ZC3H3: variants seen among roughly 807,000 people sequenced by gnomAD.
The protein encoded by ZC3H3 is zinc finger CCCH-type containing 3.
A neutral mutation model predicts 77.3 loss-of-function variants in ZC3H3; 36 were observed. That is an observed-to-expected ratio of 0.47 (90% CI 0.36 to 0.61). The LOEUF is 0.61. ZC3H3 is among the 20% of genes least tolerant of loss of function. The probability of loss-of-function intolerance (pLI) is 0.00; values close to 1 mark genes in which losing one functional copy is unlikely to be tolerated. For synonymous variants in ZC3H3, 626 were observed against 555.2 expected (o/e 1.13, Z -1.79); for missense variants, 1,331 against 1,312.2 (o/e 1.01, Z -0.22).
intron 3 of ZC3H3, among the ~76,000 whole-genome samples, chr8:143,534,423 C>CG (rs1822725076): frequency 6.6e-6 from 1 of 152,032 alleles, no homozygotes; most frequent in Non-Finnish European, 1.5e-5. Flanking sequence ...GGCAGGAGTC[C>CG]GGGGGGCGCC....
intron 3 of ZC3H3, among the ~76,000 whole-genome samples, chr8:143,528,386 G>T (rs1822488959): frequency 6.6e-6 from 1 of 152,246 alleles, no homozygotes; most frequent in African/African-American, 2.4e-5. Context: ...ACCCTCCACG[G>T]TCAAGCTTCC....
At chr8:143,528,842 G>A (rs1423857102) in intron 3 of ZC3H3, among the ~76,000 whole-genome samples, 2 of 152,214 alleles carry the variant, frequency 1.3e-5, no homozygotes, top group Non-Finnish European at 2.9e-5. Flanking sequence ...TGGGAGGGGG[G>A]GCGCCTCACC....
At chr8:143,440,486 G>T (rs1171048958) in intron 10 of ZC3H3, 123 bp from the exon 11 acceptor site, 1 of 1,429,100 alleles carries the variant, frequency 7.0e-7, no homozygotes, top group Admixed American at 2.9e-5. Flanking sequence ...GGGCAGAGCT[G>T]GAGGCACAGG....
At chr8:143,505,221 A>G (rs527750136) in intron 4 of ZC3H3, among the ~76,000 whole-genome samples, 115 of 152,310 alleles carry the variant, frequency 7.6e-4, no homozygotes, top group African/African-American at 2.8e-3. Flanking sequence ...CAGCCAGCCA[A>G]CTGGCAGGAC....
At chr8:143,461,575 A>T (rs1343730388) in intron 9 of ZC3H3, among the ~76,000 whole-genome samples, 1 of 152,176 alleles carries the variant, frequency 6.6e-6, no homozygotes, top group Non-Finnish European at 1.5e-5. Flanking sequence ...AGGCAGTATT[A>T]TTCACGACAG....
At position 143,538,156 on chromosome 8, in the gene ZC3H3, G is replaced by A. The variant is rs867764888; in HGVS notation, c.1211C>T (p.Ala404Val). ...WQSEASSKDHASQLSPVLSRS... is the reference protein window; with the variant it reads ...WQSEASSKDHVSQLSPVLSRS... ...AGACAGGACTGGGGAGAGCTGGGAG[G>A]CATGGTCCTTGCTGCTGGCCTCCGA... Residue 404 changes from alanine (A) to valine (V), a missense_variant, in exon 2 of 12, where the codon GCC (alanine) becomes GTC (valine). By Grantham distance (64) the Ala-to-Val change is moderately conservative. Coordinates refer to ENST00000262577, the MANE Select transcript of ZC3H3 (RefSeq NM_015117.3). 1.9e-6 allele frequency: 3 copies of A among 1,613,086 alleles called. No individual in the cohort carries two copies. In the South Asian group the frequency reaches 3.3e-5, roughly 18 times the overall value.
At chr8:143,532,235 C>CA (rs1437854749) in intron 3 of ZC3H3, among the ~76,000 whole-genome samples, 17 of 122,684 alleles carry the variant, frequency 1.4e-4, no homozygotes, top group African/African-American at 5.0e-4. Context: ...ACGCGATTAC[C>CA]AAAAAAGGGT....
chr8:143,438,743 G>A lies in ZC3H3; in HGVS notation c.2816-656C>T, dbSNP rs139916836. ...CACCCGACAGGCACCACAGTGGCCC[G>A]CTGAATAGAGATGTCTCCGTGTAGC... On this transcript the variant is annotated intron_variant, in intron 11 of 11. Transcript: ENST00000262577. Among the ~76,000 whole-genome samples the A allele has an allele frequency of 5.9e-5, 9 of 152,320 alleles. No individual in the cohort carries two copies. The East Asian group carries it at 1.4e-3, about 23-fold the overall frequency.
intron 4 of ZC3H3, among the ~76,000 whole-genome samples, chr8:143,499,041 G>T (rs1318254966): frequency 6.6e-6 from 1 of 152,092 alleles, no homozygotes; most frequent in Non-Finnish European, 1.5e-5. Flanking sequence ...CCCCCAAGAA[G>T]GGGCGGAGAG....
intron 9 of ZC3H3, among the ~76,000 whole-genome samples, chr8:143,442,481 C>T (rs1032747670): frequency 3.3e-5 from 5 of 151,562 alleles, no homozygotes; most frequent in Non-Finnish European, 7.4e-5. Flanking sequence ...AAGGAAAGCC[C>T]TGCCACCAGC....
intron 8 of ZC3H3, among the ~76,000 whole-genome samples, chr8:143,466,943 G>A (rs1387146592): frequency 6.6e-6 from 1 of 152,212 alleles, no homozygotes; most frequent in East Asian, 1.9e-4. Context: ...CAAGGTTGGG[G>A]ATGGGAAAGG....
rs372082942 is a variant in ZC3H3 at position 143,470,501 on chromosome 8, G to A, written c.1904-1842C>T. Among the ~76,000 whole-genome samples, 40 of 152,308 alleles carry A rather than the reference G, an allele frequency of 2.6e-4. No homozygotes were observed. In the South Asian group the frequency reaches 3.9e-3, roughly 15 times the overall value. ...GTGGGCAGCAGGGCCCAGTCCAGAC[G>A]GCACGGGCACGCCCTCACACCTGCC... On this transcript the variant is annotated intron_variant, in intron 5 of 11. Coordinates refer to ENST00000262577, the MANE Select transcript of ZC3H3 (RefSeq NM_015117.3).
At chr8:143,473,310 T>G (rs1465090781) in intron 5 of ZC3H3, among the ~76,000 whole-genome samples, 1 of 152,148 alleles carries the variant, frequency 6.6e-6, no homozygotes, top group Non-Finnish European at 1.5e-5. Flanking sequence ...TTGCTGCTTC[T>G]GTCCCTTCTG....
At position 143,478,579 on chromosome 8, in the gene ZC3H3, G is replaced by A. The variant is rs192558065; in HGVS notation, c.1716-2994C>T. ...GGCTAGAGTGCAATGGTGCGATCTC[G>A]GCTCACTGCAACCTCCGCCTCCCGG... On this transcript the variant is annotated intron_variant, in intron 4 of 11. Coordinates refer to ENST00000262577, the MANE Select transcript of ZC3H3 (RefSeq NM_015117.3). Among the ~76,000 whole-genome samples the A allele has an allele frequency of 1.8e-4, 28 of 152,320 alleles. No individual in the cohort carries two copies. In the East Asian group the frequency reaches 1.9e-3, roughly 10 times the overall value.
chr8:143,488,615 G>A (rs1425468433), intron 4 of ZC3H3, among the ~76,000 whole-genome samples: 1 of 152,226 alleles, frequency 6.6e-6, no homozygotes, highest in African/African-American at 2.4e-5. Flanking sequence ...AGAAAAGCAG[G>A]TGCTCATGGG....
intron 4 of ZC3H3, among the ~76,000 whole-genome samples, chr8:143,503,684 C>T (rs567434390): frequency 4.1e-5 from 6 of 146,448 alleles, no homozygotes; most frequent in Admixed American, 6.8e-5. Context: ...CAACTGTCTC[C>T]ACCACCACCT....
chr8:143,439,277 G>C (rs1178498739), intron 11 of ZC3H3, among the ~76,000 whole-genome samples: 1 of 152,182 alleles, frequency 6.6e-6, no homozygotes, highest in African/African-American at 2.4e-5. Flanking sequence ...GCCCCTCCGA[G>C]GCAGGCATTT....
chr8:143,459,560 C>CA (rs1488429703), intron 9 of ZC3H3, among the ~76,000 whole-genome samples: 1 of 151,640 alleles, frequency 6.6e-6, no homozygotes, highest in African/African-American at 2.4e-5. Flanking sequence ...AAAAACAAAC[C>CA]AAAAAAAGGA....
intron 3 of ZC3H3, among the ~76,000 whole-genome samples, chr8:143,512,421 C>T (rs967206106): frequency 2.6e-5 from 4 of 152,278 alleles, no homozygotes; most frequent in Non-Finnish European, 5.9e-5. Context: ...GTCTGTGACC[C>T]GTTTCTGTGT....
Sources: gnomAD v4.1 joint callset for allele counts (sites outside exome capture counted in the v4.1 genomes callset) on GRCh38, gnomAD v4.1.1 for gene constraint, MANE v1.5 for transcripts, NCBI Gene and HGNC (gene_info 2026-07-23, HGNC 2026-07-21) for gene names.